HIPK2: variants seen among roughly 807,000 people sequenced by gnomAD.
HIPK2 encodes homeodomain-interacting protein kinase 2.
HIPK2 carries 27 observed loss-of-function variants against 113.7 expected under a neutral mutation model. The ratio of observed to expected loss-of-function variants is 0.24; its 90% confidence interval spans 0.17 to 0.33. The LOEUF is 0.33. HIPK2 is among the 10% of genes least tolerant of loss of function. The probability of loss-of-function intolerance (pLI) is 1.00; values close to 1 mark genes in which losing one functional copy is unlikely to be tolerated. For missense variants in HIPK2, 1,257 were observed against 1,588.0 expected (o/e 0.79, Z 3.54); for synonymous variants, 631 against 642.2 (o/e 0.98, Z 0.26).
At chr7:139,652,576 C>T (rs57824813) in intron 2 of HIPK2, among the ~76,000 whole-genome samples, 10,736 of 152,262 alleles carry the variant, frequency 0.071, 471 homozygotes, top group South Asian at 0.18. Context: ...GGAGCAATCT[C>T]TCTCATTCAA....
At chr7:139,598,198 A>T (rs1799289166) in intron 11 of HIPK2, among the ~76,000 whole-genome samples, 1 of 152,252 alleles carries the variant, frequency 6.6e-6, no homozygotes, top group Non-Finnish European at 1.5e-5. Flanking sequence ...AACCTGTAGT[A>T]TCTATGCAGT....
At chr7:139,777,569 G>C in intron 1 of HIPK2, 36 bp downstream of exon 1, 2 of 987,836 alleles carry the variant, frequency 2.0e-6, no homozygotes, top group Non-Finnish European at 1.2e-6. Context: ...GCGGAGGGCG[G>C]CGGGCGCGGG....
At chr7:139,581,792 G>A (rs986277792) in intron 13 of HIPK2, among the ~76,000 whole-genome samples, 11 of 152,232 alleles carry the variant, frequency 7.2e-5, no homozygotes, top group African/African-American at 2.7e-4. Flanking sequence ...GGAAGGGCAG[G>A]CACCAGACGA....
intron 1 of HIPK2, among the ~76,000 whole-genome samples, chr7:139,763,476 C>CG (rs369998446): frequency 7.3e-6 from 1 of 136,740 alleles, no homozygotes; most frequent in Non-Finnish European, 1.5e-5. Context: ...GAACACGCCC[C>CG]CCCCCCCACA....
chr7:139,724,136 T>C (rs927422815), intron 1 of HIPK2, among the ~76,000 whole-genome samples: 2 of 152,012 alleles, frequency 1.3e-5, no homozygotes, highest in Non-Finnish European at 2.9e-5. Flanking sequence ...CAAAAATATA[T>C]GAATGTTGGA....
chr7:139,690,001 G>C lies in HIPK2; in HGVS notation c.1103+25931C>G, dbSNP rs1794349824. 2.6e-5 allele frequency among the ~76,000 whole-genome samples: 4 copies of C among 151,462 alleles called. No homozygotes were observed. The South Asian group carries it at 8.4e-4, about 32-fold the overall frequency. ...GGTGCCGGGCACCTCGGTGTGCACA[G>C]GGGGCTGGGGGAGCCTCAAGGTGGG... is the stretch of plus-strand genomic sequence containing the variant. On this transcript the variant is annotated intron_variant, in intron 2 of 14. Coordinates refer to ENST00000406875, the MANE Select transcript of HIPK2 (RefSeq NM_022740.5).
In HIPK2 at chr7:139,589,724, T is replaced by C. The variant is rs181709003; in HGVS notation, c.2718-5660A>G. ...ATCTCCTTGATGGAAACCCAACAGG[T>C]AGTGAGCCTCCCACTGAAGAGACTG... On this transcript the variant is annotated intron_variant, in intron 12 of 14. Transcript: ENST00000406875. Among the ~76,000 whole-genome samples, 156 of 152,350 alleles carry C rather than the reference T, an allele frequency of 1.0e-3. 1 individual carries two copies. Among genetic ancestry groups the C allele is most frequent in the Middle Eastern group, 6.8e-3 (2 of 294 alleles).
At chr7:139,755,443 A>C (rs549115836) in intron 1 of HIPK2, among the ~76,000 whole-genome samples, 10 of 152,310 alleles carry the variant, frequency 6.6e-5, no homozygotes, top group Admixed American at 3.9e-4. Flanking sequence ...AAAGCATCTT[A>C]ACCAATAATC....
At chr7:139,583,100 G>T (rs1408982967) in intron 13 of HIPK2, among the ~76,000 whole-genome samples, 1 of 152,254 alleles carries the variant, frequency 6.6e-6, no homozygotes, top group African/African-American at 2.4e-5. Context: ...GTTTGTGGCG[G>T]AATAGCGGGA....
chr7:139,635,925 C>A (rs142461352), intron 2 of HIPK2, among the ~76,000 whole-genome samples: 2 of 152,212 alleles, frequency 1.3e-5, no homozygotes, highest in Non-Finnish European at 2.9e-5. Context: ...CCTTCGTCTC[C>A]CAGCAGCTGC....
At chr7:139,584,495 C>T (rs1426921773) in intron 12 of HIPK2, among the ~76,000 whole-genome samples, 1 of 152,214 alleles carries the variant, frequency 6.6e-6, no homozygotes, top group Non-Finnish European at 1.5e-5. Context: ...TAGGAGTAAA[C>T]CTCGCTGGGA....
At chr7:139,594,402 T>C (rs1374231454) in intron 12 of HIPK2, among the ~76,000 whole-genome samples, 3 of 152,202 alleles carry the variant, frequency 2.0e-5, no homozygotes, top group Admixed American at 1.3e-4. Context: ...ATACTGACTG[T>C]GTTAAATTTT....
At chr7:139,704,371 A>T (rs1319365574) in intron 2 of HIPK2, among the ~76,000 whole-genome samples, 16 of 119,094 alleles carry the variant, frequency 1.3e-4, no homozygotes, top group African/African-American at 5.3e-4. Flanking sequence ...CCCAACATAC[A>T]CACCCAACAC....
chr7:139,708,248 T>C (rs1415671272), intron 2 of HIPK2, among the ~76,000 whole-genome samples: 1 of 151,746 alleles, frequency 6.6e-6, no homozygotes, highest in Non-Finnish European at 1.5e-5. Flanking sequence ...CTTTCGGAGG[T>C]GATGGATATG....
chr7:139,757,189 T>C (rs1004601393), intron 1 of HIPK2, among the ~76,000 whole-genome samples: 2 of 152,216 alleles, frequency 1.3e-5, no homozygotes, highest in African/African-American at 2.4e-5. Flanking sequence ...AAAAGGAATA[T>C]TGACCAGCAC....
At chr7:139,621,822 C>T (rs928093436) in intron 6 of HIPK2, among the ~76,000 whole-genome samples, 17 of 149,610 alleles carry the variant, frequency 1.1e-4, no homozygotes, top group African/African-American at 4.2e-4. Flanking sequence ...ACTTAGGAGG[C>T]TGAGGTCGGA....
chr7:139,735,690 G>C (rs1362555302), intron 1 of HIPK2, among the ~76,000 whole-genome samples: 1 of 152,228 alleles, frequency 6.6e-6, no homozygotes, highest in Non-Finnish European at 1.5e-5. Flanking sequence ...AGGCTTCAGA[G>C]AGTGGATGGA....
In HIPK2 at chr7:139,573,373, G is replaced by A. The variant is rs369198128; in HGVS notation, c.3151C>T (p.Arg1051Cys). 37 of 1,604,060 alleles carry A rather than the reference G, an allele frequency of 2.3e-5. No homozygotes were observed. Among genetic ancestry groups the A allele is most frequent in the Non-Finnish European group, 3.1e-5 (37 of 1,179,840 alleles). ...TGCTGCCTTCGGTGGCTCCCAGTGCGGTCCGTGGTGATGTGCTGCTGAGCC... is the reference window on the plus strand; with the variant it reads ...TGCTGCCTTCGGTGGCTCCCAGTGCAGTCCGTGGTGATGTGCTGCTGAGCC... ...SQAQQHITTD[R>C]TGSHRRQQAY... is the part of the protein sequence containing the mutation. Residue 1051 changes from arginine (R) to cysteine (C), a missense_variant, in exon 15 of 15, where the codon CGC becomes TGC. By Grantham distance (180) the Arg-to-Cys change is radical. Transcript: ENST00000406875.
intron 1 of HIPK2, among the ~76,000 whole-genome samples, chr7:139,772,923 T>G (rs1796677241): frequency 6.6e-6 from 1 of 151,000 alleles, no homozygotes; most frequent in Admixed American, 6.6e-5. Flanking sequence ...CATAGGCATG[T>G]TAGAAGTATG....
Sources: gnomAD v4.1 joint callset for allele counts (sites outside exome capture counted in the v4.1 genomes callset) on GRCh38, gnomAD v4.1.1 for gene constraint, MANE v1.5 for transcripts, NCBI Gene and HGNC (gene_info 2026-07-23, HGNC 2026-07-21) for gene names.